EPS8: variants seen among roughly 807,000 people sequenced by gnomAD.
EPS8 encodes EGFR pathway substrate 8, signaling adaptor, also known as epidermal growth factor receptor kinase substrate 8.
EPS8 carries 42 observed loss-of-function variants against 103.8 expected under a neutral mutation model. The observed-to-expected ratio is 0.40, with a 90% CI of 0.32 to 0.52. The LOEUF (loss-of-function observed/expected upper bound fraction) is 0.52. Among genes scored for constraint, EPS8 ranks in the 20% least tolerant of loss-of-function variants. EPS8 has a pLI of 0.40. For synonymous variants in EPS8, 344 were observed against 344.6 expected, an observed-to-expected ratio of 1.00 and a Z score of 0.02; for missense variants, 969 against 1,005.1, an observed-to-expected ratio of 0.96 and a Z score of 0.49.
rs1020398109 is a variant in EPS8 at position 15,688,003 on chromosome 12, T to C, written c.-21-5031A>G. 6.6e-6 allele frequency among the ~76,000 whole-genome samples: 1 copy of C among 152,258 alleles called. No individual in the cohort carries two copies. Among genetic ancestry groups the C allele is most frequent in the Non-Finnish European group, 1.5e-5 (1 of 68,044 alleles). Reference sequence around the variant, plus strand: ...GAAGTACTATTCTTCATTCTCATTTTATAGATGAAGAAATTGAAACAAACA... The same window carrying C: ...GAAGTACTATTCTTCATTCTCATTTCATAGATGAAGAAATTGAAACAAACA... On this transcript the variant is annotated intron_variant, in intron 1 of 20. Coordinates refer to ENST00000281172, the MANE Select transcript of EPS8 (RefSeq NM_004447.6). The surrounding 1 kb of genome is among the most constrained non-coding windows in gnomAD (Gnocchi z 5.1).
chr12:15,737,474 A>T (rs1946777757), intron 1 of EPS8, among the ~76,000 whole-genome samples: 1 of 152,150 alleles, frequency 6.6e-6, no homozygotes, highest in Admixed American at 6.5e-5. Context: ...AACAACTAAC[A>T]TCTACTGAGA....
chr12:15,713,991 G>C lies in EPS8; in HGVS notation c.-21-31019C>G, dbSNP rs4764224. 0.92 allele frequency among the ~76,000 whole-genome samples: 139,349 copies of C among 152,256 alleles called. 65,028 individuals are homozygous for C. The highest frequency in any genetic ancestry group is 1 in the East Asian group (5,187 of 5,188). On this transcript the variant is annotated intron_variant, in intron 1 of 20. Coordinates refer to ENST00000281172, the MANE Select transcript of EPS8 (RefSeq NM_004447.6). The surrounding 1 kb of genome is among the most constrained non-coding windows in gnomAD (Gnocchi z 4.8). ...ATTAGATCCTGGGCCAGTGAAATCT[G>C]TAAAGTATCTAGAAGAAACAAACAC...
chr12:15,784,451 C>T lies in EPS8; in HGVS notation c.-22+4710G>A, dbSNP rs1397453620. 2.0e-5 allele frequency among the ~76,000 whole-genome samples: 3 copies of T among 152,030 alleles called. No homozygotes were observed. The highest frequency in any genetic ancestry group is 1.5e-5 in the Non-Finnish European group (1 of 67,966). On this transcript the variant is annotated intron_variant, in intron 1 of 20. Transcript: ENST00000281172. The surrounding 1 kb of genome is among the most constrained non-coding windows in gnomAD (Gnocchi z 4.0). Reference sequence around the variant, plus strand: ...GTAACAATGACATATTACTACACACCTACTAGAATGGGTAAAATCCAAAAA... The same window carrying T: ...GTAACAATGACATATTACTACACACTTACTAGAATGGGTAAAATCCAAAAA...
chr12:15,622,698 C>T (rs1180114227), intron 20 of EPS8, among the ~76,000 whole-genome samples: 4 of 151,874 alleles, frequency 2.6e-5, no homozygotes, highest in Non-Finnish European at 5.9e-5. Flanking sequence ...CCTAATGTAT[C>T]TTTCCCGATT....
intron 17 of EPS8, among the ~76,000 whole-genome samples, chr12:15,639,247 C>T (rs955708024): frequency 6.6e-6 from 1 of 152,040 alleles, no homozygotes; most frequent in Admixed American, 6.5e-5. Context: ...AGGTTTCAAG[C>T]ATATACTACC....
chr12:15,656,394 C>A (rs761484902), intron 12 of EPS8, among the ~76,000 whole-genome samples: 1 of 152,120 alleles, frequency 6.6e-6, no homozygotes, highest in South Asian at 2.1e-4. Flanking sequence ...TATACAGCAA[C>A]AACATATAGG....
chr12:15,741,974 T>C (rs1401321551), intron 1 of EPS8, among the ~76,000 whole-genome samples: 2 of 152,342 alleles, frequency 1.3e-5, no homozygotes, highest in East Asian at 3.9e-4. Context: ...TTTGGTTTTC[T>C]GTCCTTGCGA....
chr12:15,698,890 ATTG>A lies in EPS8; in HGVS notation c.-21-15921_-21-15919del, dbSNP rs1281098039. Among the ~76,000 whole-genome samples the A allele has an allele frequency of 6.6e-6, 1 of 152,210 alleles. No homozygotes were observed. The highest frequency in any genetic ancestry group is 1.5e-5 in the Non-Finnish European group (1 of 68,032). ...TAAAACAATGTAGCATATTCTTGTA[ATTG>A]TTGTATATGTCAAGAATGAAAATCA... On this transcript the variant is annotated intron_variant, in intron 1 of 20. Transcript: ENST00000281172. The surrounding 1 kb of genome is among the most constrained non-coding windows in gnomAD (Gnocchi z 4.9).
intron 1 of EPS8, among the ~76,000 whole-genome samples, chr12:15,732,491 C>G (rs917822982): frequency 6.6e-5 from 10 of 152,170 alleles, no homozygotes; most frequent in African/African-American, 2.2e-4. Flanking sequence ...CCTTTTACAA[C>G]TATAACATTT....
intron 1 of EPS8, among the ~76,000 whole-genome samples, chr12:15,786,239 G>T (rs564885754): frequency 6.6e-6 from 1 of 151,926 alleles, no homozygotes; most frequent in African/African-American, 2.4e-5. Context: ...GATGAAAATG[G>T]CACGTTACCT....
In EPS8 at chr12:15,751,391, C is replaced by T. The variant is rs558363870; in HGVS notation, c.-22+37770G>A. Among the ~76,000 whole-genome samples the T allele has an allele frequency of 1.3e-5, 2 of 152,210 alleles. 1 individual carries two copies. The highest frequency in any genetic ancestry group is 4.8e-5 in the African/African-American group (2 of 41,516). The stretch of plus-strand genomic sequence containing the variant: ...AAAGAATCCACATTATCAATTTCTG[C>T]CTTCTAGCCTCAACGCCACTGATCC... On this transcript the variant is annotated intron_variant, in intron 1 of 20. Transcript: ENST00000281172. The surrounding 1 kb of genome is among the most constrained non-coding windows in gnomAD (Gnocchi z 4.3).
At chr12:15,694,631 C>T (rs921108595) in intron 1 of EPS8, among the ~76,000 whole-genome samples, 10 of 152,096 alleles carry the variant, frequency 6.6e-5, no homozygotes, top group Non-Finnish European at 1.5e-4. Flanking sequence ...ACAAATTATT[C>T]GTGGACTACT....
intron 12 of EPS8, among the ~76,000 whole-genome samples, chr12:15,656,420 T>C (rs1490699017): frequency 6.6e-6 from 1 of 152,222 alleles, no homozygotes; most frequent in African/African-American, 2.4e-5. Context: ...TCATAAGTTA[T>C]TGATGTACTC....
At chr12:15,709,884 T>C (rs563955643) in intron 1 of EPS8, among the ~76,000 whole-genome samples, 1 of 152,350 alleles carries the variant, frequency 6.6e-6, no homozygotes, top group South Asian at 2.1e-4. Flanking sequence ...AGGCATTAGT[T>C]AGATTGTCAT....
At position 15,784,289 on chromosome 12, in the gene EPS8, T is replaced by C. The variant is rs932487736; in HGVS notation, c.-22+4872A>G. Reference sequence around the variant, plus strand: ...CAAAATGTATAAAGAACTCTTAAAATCAACAATAAGAAAACAACCCCATTA... The same window carrying C: ...CAAAATGTATAAAGAACTCTTAAAACCAACAATAAGAAAACAACCCCATTA... On this transcript the variant is annotated intron_variant, in intron 1 of 20. Transcript: ENST00000281172. This position sits in a 1 kb window ranked among gnomAD's most constrained non-coding sequence, Gnocchi z 4.0. 6.6e-6 allele frequency among the ~76,000 whole-genome samples: 1 copy of C among 151,916 alleles called. No homozygotes were observed. Among genetic ancestry groups the C allele is most frequent in the African/African-American group, 2.4e-5 (1 of 41,380 alleles).
chr12:15,770,780 A>G (rs1465033796), intron 1 of EPS8, among the ~76,000 whole-genome samples: 2 of 152,212 alleles, frequency 1.3e-5, no homozygotes, highest in African/African-American at 4.8e-5. Context: ...GAATATTTCA[A>G]TTTAGGCTCA....
rs1946750485 is a variant in EPS8 at position 15,734,640 on chromosome 12, G to A, written c.-21-51668C>T. Reference sequence around the variant, plus strand: ...ACCTGGGAGGCGGACCTTGCAGTGAGCCGAGATCGCGCCACTGTACTCCAG... The same window carrying A: ...ACCTGGGAGGCGGACCTTGCAGTGAACCGAGATCGCGCCACTGTACTCCAG... On this transcript the variant is annotated intron_variant, in intron 1 of 20. Transcript: ENST00000281172. This position sits in a 1 kb window ranked among gnomAD's most constrained non-coding sequence, Gnocchi z 4.1. 6.6e-6 allele frequency among the ~76,000 whole-genome samples: 1 copy of A among 152,110 alleles called. No individual in the cohort carries two copies. The highest frequency in any genetic ancestry group is 1.5e-5 in the Non-Finnish European group (1 of 68,022).
chr12:15,642,403 A>C (rs1945247976), intron 15 of EPS8, among the ~76,000 whole-genome samples: 1 of 152,178 alleles, frequency 6.6e-6, no homozygotes, highest in Non-Finnish European at 1.5e-5. Context: ...AACACTTGCA[A>C]ATAAGTAAGT....
In EPS8 at chr12:15,781,476, A is replaced by G. The variant is rs542088257; in HGVS notation, c.-22+7685T>C. Among the ~76,000 whole-genome samples the G allele has an allele frequency of 1.3e-4, 20 of 152,264 alleles. No individual in the cohort carries two copies. The highest frequency in any genetic ancestry group is 3.6e-4 in the African/African-American group (15 of 41,556). ...CAAGTCACTTTTTCTTTCTGGGCCT[A>G]TTCCTTTATCTGTAATTCTGAGATA... is the stretch of plus-strand genomic sequence containing the variant. On this transcript the variant is annotated intron_variant, in intron 1 of 20. Coordinates refer to ENST00000281172, the MANE Select transcript of EPS8 (RefSeq NM_004447.6). This position sits in a 1 kb window ranked among gnomAD's most constrained non-coding sequence, Gnocchi z 4.1.
Sources: gnomAD v4.1 joint callset for allele counts (sites outside exome capture counted in the v4.1 genomes callset) on GRCh38, gnomAD v4.1.1 for gene constraint, Gnocchi (gnomAD v3.1) non-coding constraint, MANE v1.5 for transcripts, NCBI Gene and HGNC (gene_info 2026-07-23, HGNC 2026-07-21) for gene names.